The following NAA15 variants were observed in gnomAD, a reference collection of about 807,000 sequenced individuals.
NAA15 encodes the protein N-terminal acetyltransferase.
A neutral mutation model predicts 114.0 loss-of-function variants in NAA15; 34 were observed. The observed-to-expected ratio is 0.30, with a 90% CI of 0.23 to 0.40. The LOEUF is 0.40. Among genes scored for constraint, NAA15 ranks in the 10% least tolerant of loss-of-function variants. The pLI, the probability that NAA15 is intolerant of heterozygous loss-of-function variation, is 1.00. For synonymous variants in NAA15, 340 were observed against 338.0 expected, an observed-to-expected ratio of 1.01 and a Z score of -0.06; for missense variants, 658 against 1,004.5, an observed-to-expected ratio of 0.66 and a Z score of 4.66.
chr4:139,374,598 C>CT (rs912083924), intron 15 of NAA15, among the ~76,000 whole-genome samples: 16 of 152,066 alleles, frequency 1.1e-4, no homozygotes, highest in African/African-American at 3.6e-4. Flanking sequence ...GATATTTTGA[C>CT]TTTTTTTTCC....
At chr4:139,306,590 T>G (rs1272259464) in intron 1 of NAA15, among the ~76,000 whole-genome samples, 1 of 151,754 alleles carries the variant, frequency 6.6e-6, no homozygotes, top group African/African-American at 2.4e-5. Flanking sequence ...TTTTTTTTTT[T>G]GGTCTGGTTT....
intron 6 of NAA15, among the ~76,000 whole-genome samples, chr4:139,348,499 AGT>A (rs1747675358): frequency 6.6e-6 from 1 of 151,908 alleles, no homozygotes; most frequent in African/African-American, 2.4e-5. Context: ...GTACTCAGTA[AGT>A]GTTCATTTTT....
intron 2 of NAA15, among the ~76,000 whole-genome samples, chr4:139,335,840 A>C (rs1053467490): frequency 6.7e-6 from 1 of 150,360 alleles, no homozygotes; most frequent in Admixed American, 6.6e-5. Flanking sequence ...GCTCACTGCA[A>C]CCTCTGCCTC....
At position 139,388,192 on chromosome 4, in the gene NAA15, A is replaced by G; in HGVS notation, c.*108A>G. 1 of 865,464 alleles carries G rather than the reference A, an allele frequency of 1.2e-6. No individual in the cohort carries two copies. The highest frequency in any genetic ancestry group is 1.8e-6 in the Non-Finnish European group (1 of 569,764). 53.6% of individuals were successfully genotyped at this position (865,464 alleles called of 1,614,324 possible). ...AACTTACACAGAATGAGAGGAGTAAATGTTCTTGCCTTCAAATAGTGTTTT... is the reference window on the plus strand; with the variant it reads ...AACTTACACAGAATGAGAGGAGTAAGTGTTCTTGCCTTCAAATAGTGTTTT... On this transcript the variant is annotated 3_prime_UTR_variant, in exon 20 of 20. Transcript: ENST00000296543.
At chr4:139,356,281 G>C (rs1392890176) in intron 10 of NAA15, among the ~76,000 whole-genome samples, 1 of 152,148 alleles carries the variant, frequency 6.6e-6, no homozygotes, top group Non-Finnish European at 1.5e-5. Context: ...AATAAGACAA[G>C]ATATTCCAGT....
chr4:139,367,083 C>T (rs1748305235), intron 14 of NAA15, among the ~76,000 whole-genome samples: 1 of 152,116 alleles, frequency 6.6e-6, no homozygotes, highest in Non-Finnish European at 1.5e-5. Flanking sequence ...TGTGACATTT[C>T]AATTATAGTT....
At chr4:139,365,878 A>C (rs988654846) in intron 14 of NAA15, among the ~76,000 whole-genome samples, 5 of 152,124 alleles carry the variant, frequency 3.3e-5, no homozygotes, top group African/African-American at 1.2e-4. Context: ...GAAAAAATAT[A>C]AGGTATGCAT....
chr4:139,370,409 T>A lies in NAA15; in HGVS notation c.1947+5T>A. ...ATTCCAGAGAAACTGGCCAAGGTACTTAATAATAGTGTTTAGCACAATTGA... is the reference window on the plus strand; with the variant it reads ...ATTCCAGAGAAACTGGCCAAGGTACATAATAATAGTGTTTAGCACAATTGA... On this transcript the variant is annotated splice_donor_5th_base_variant and intron_variant, in intron 15 of 19. Coordinates refer to ENST00000296543, the MANE Select transcript of NAA15 (RefSeq NM_057175.5). 6.4e-7 allele frequency: 1 copy of A among 1,563,312 alleles called. No homozygotes were observed. The highest frequency in any genetic ancestry group is 1.8e-4 in the Middle Eastern group (1 of 5,678).
Position 139,361,916 on chromosome 4 carries a change from AAAG to A in NAA15, c.1735_1737del (p.Glu579del). 3 of 1,612,138 alleles carry A rather than the reference AAAG, an allele frequency of 1.9e-6. No individual in the cohort carries two copies. Among genetic ancestry groups the A allele is most frequent in the Non-Finnish European group, 2.5e-6 (3 of 1,179,122 alleles). ...TGACAACCCCCTTACAGATGAGAAT[AAAG>A]AACACGAAGCTGATACAGGTATAAT... On this transcript the variant is annotated inframe_deletion, in exon 14 of 20. Coordinates refer to ENST00000296543, the MANE Select transcript of NAA15 (RefSeq NM_057175.5).
In NAA15 at chr4:139,376,486, G is replaced by A; in HGVS notation, c.2056+13G>A. The A allele has an allele frequency of 6.7e-7, 1 of 1,490,284 alleles. No individual in the cohort carries two copies. Among genetic ancestry groups the A allele is most frequent in the Non-Finnish European group, 9.4e-7 (1 of 1,067,748 alleles). The allele number at this position is 1,490,284 out of a possible 1,614,324, so 92.3% of individuals were successfully genotyped here. ...TACTTTAGGAAAGGTAGGCAATTAG[G>A]GTACAGTGGCCCTGACAAAACTGAT... On this transcript the variant is annotated intron_variant, in intron 16 of 19. Transcript: ENST00000296543.
chr4:139,371,474 TAA>T (rs771223256), intron 15 of NAA15, among the ~76,000 whole-genome samples: 7 of 77,942 alleles, frequency 9.0e-5, no homozygotes, highest in Admixed American at 1.6e-4. Flanking sequence ...CTCTGTCTCT[TAA>T]AAAAAAAAAA....
intron 10 of NAA15, 135 bp downstream of exon 10, chr4:139,354,233 A>C: frequency 1.5e-6 from 1 of 645,676 alleles, no homozygotes; most frequent in Non-Finnish European, 2.7e-6. Flanking sequence ...TGAGAGGGAG[A>C]TCCATTAATT....
At chr4:139,312,621 A>C (rs183865315) in intron 1 of NAA15, among the ~76,000 whole-genome samples, 1 of 151,940 alleles carries the variant, frequency 6.6e-6, no homozygotes, top group East Asian at 1.9e-4. Context: ...AATGTGGAAA[A>C]TCTCTTGAAG....
chr4:139,343,031 C>A, intron 5 of NAA15, 71 bp downstream of exon 5: 2 of 1,375,400 alleles, frequency 1.5e-6, no homozygotes, highest in Non-Finnish European at 2.0e-6. Context: ...CATAGTCTGG[C>A]TTACTTTTAA....
chr4:139,306,848 A>G (rs1746039958), intron 1 of NAA15, among the ~76,000 whole-genome samples: 2 of 152,136 alleles, frequency 1.3e-5, no homozygotes, highest in Non-Finnish European at 1.5e-5. Context: ...AAAGATGGAC[A>G]TATCCTAATG....
chr4:139,350,456 C>T (rs552567322), intron 7 of NAA15, among the ~76,000 whole-genome samples: 1 of 152,296 alleles, frequency 6.6e-6, no homozygotes, highest in Non-Finnish European at 1.5e-5. Context: ...GTCACTCAAA[C>T]TTGGATTCAG....
intron 1 of NAA15, among the ~76,000 whole-genome samples, chr4:139,308,411 G>A (rs1198915909): frequency 6.6e-6 from 1 of 152,184 alleles, no homozygotes; most frequent in Non-Finnish European, 1.5e-5. Flanking sequence ...GCACATGAAA[G>A]TTTAACTGAT....
At position 139,359,724 on chromosome 4, in the gene NAA15, T is replaced by G. The variant is rs761389395; in HGVS notation, c.1258-19T>G. ...ACTTAGCATGCTAACTGGTTTATTT[T>G]GCTTTTGTACCTTATAAGCATGCTG... On this transcript the variant is annotated intron_variant, in intron 11 of 19. Coordinates refer to ENST00000296543, the MANE Select transcript of NAA15 (RefSeq NM_057175.5). The G allele has an allele frequency of 1.2e-5, 19 of 1,583,228 alleles. No homozygotes were observed. Among genetic ancestry groups the G allele is most frequent in the Admixed American group, 2.0e-5 (1 of 49,270 alleles).
At chr4:139,329,509 A>C (rs115945281) in intron 1 of NAA15, among the ~76,000 whole-genome samples, 83 of 151,582 alleles carry the variant, frequency 5.5e-4, no homozygotes, top group African/African-American at 2.0e-3. Flanking sequence ...ATTTTTTTTG[A>C]GGGTTTGTTA....
Sources: gnomAD v4.1 joint callset for allele counts (sites outside exome capture counted in the v4.1 genomes callset) on GRCh38, gnomAD v4.1.1 for gene constraint, MANE v1.5 for transcripts, NCBI Gene and HGNC (gene_info 2026-07-23, HGNC 2026-07-21) for gene names.